RYR1: variants seen among roughly 807,000 people sequenced by gnomAD.
The protein encoded by RYR1 is ryanodine receptor 1.
In RYR1, 342 loss-of-function variants were observed where a neutral mutation model predicts 583.5. The ratio of observed to expected loss-of-function variants is 0.59; its 90% CI spans 0.54 to 0.64. The LOEUF is 0.64. Ranked by LOEUF, RYR1 falls within the 30% of genes least tolerant of loss-of-function variation. The pLI is 0.00. For missense variants in RYR1, 6,032 were observed against 6,917.2 expected, an observed-to-expected ratio of 0.87 and a Z score of 4.54; for synonymous variants, 2,791 against 2,822.5, an observed-to-expected ratio of 0.99 and a Z score of 0.35.
intron 3 of RYR1, among the ~76,000 whole-genome samples, chr19:38,442,818 G>A (rs906367166): frequency 1.3e-5 from 2 of 152,250 alleles, no homozygotes; most frequent in Non-Finnish European, 2.9e-5. Context: ...TGTCCCCGAC[G>A]CCTGCTCCTT....
intron 1 of RYR1, among the ~76,000 whole-genome samples, chr19:38,434,269 A>G (rs762037540): frequency 3.3e-5 from 5 of 151,450 alleles, no homozygotes; most frequent in Admixed American, 2.0e-4. Flanking sequence ...TTTTTGCTCC[A>G]GACTCTGACC....
chr19:38,447,291 A>G (rs893016814), intron 9 of RYR1, among the ~76,000 whole-genome samples: 1 of 152,188 alleles, frequency 6.6e-6, no homozygotes, highest in African/African-American at 2.4e-5. Flanking sequence ...CTGTAATGCC[A>G]GCACTTTGGG....
At chr19:38,507,567 TG>T (rs1355761736) in intron 57 of RYR1, 144 bp from the exon 58 acceptor site, 3 of 694,424 alleles carry the variant, frequency 4.3e-6, no homozygotes, top group Non-Finnish European at 8.0e-6. Flanking sequence ...GGGTGGGGCA[TG>T]GGGGACTCAG....
intron 16 of RYR1, among the ~76,000 whole-genome samples, chr19:38,456,582 G>A (rs1021951643): frequency 9.9e-5 from 15 of 151,148 alleles, no homozygotes; most frequent in Non-Finnish European, 1.8e-4. Context: ...GTGCCCCACC[G>A]GTGGCGCTGA....
chr19:38,542,171 C>A (rs951875210), intron 84 of RYR1, among the ~76,000 whole-genome samples: 1 of 149,924 alleles, frequency 6.7e-6, no homozygotes, highest in African/African-American at 2.5e-5. Context: ...AAGAACGCAA[C>A]AAATTTGTTG....
intron 28 of RYR1, among the ~76,000 whole-genome samples, chr19:38,474,555 GC>G (rs1172185774): frequency 1.5e-5 from 2 of 133,458 alleles, no homozygotes; most frequent in African/African-American, 5.6e-5. Flanking sequence ...GAGCTACCAC[GC>G]CCGGCTCCTT....
intron 31 of RYR1, among the ~76,000 whole-genome samples, chr19:38,482,725 C>T (rs1233243762): frequency 1.3e-5 from 2 of 152,142 alleles, no homozygotes; most frequent in African/African-American, 4.8e-5. Flanking sequence ...TCTAGGATTA[C>T]AGGTGTGAGC....
At chr19:38,553,297 T>A (rs975642674) in intron 89 of RYR1, among the ~76,000 whole-genome samples, 4 of 145,206 alleles carry the variant, frequency 2.8e-5, no homozygotes, top group African/African-American at 7.8e-5. Context: ...ATCACGCCAC[T>A]GCACTCCAGC....
chr19:38,486,001 C>T lies in RYR1; in HGVS notation c.5346C>T (p.Phe1782=), dbSNP rs762772302. 23 of 1,613,546 alleles carry T rather than the reference C, an allele frequency of 1.4e-5. No homozygotes were observed. The highest frequency in any genetic ancestry group is 1.6e-4 in the Middle Eastern group (1 of 6,062). The change falls in exon 34 of 106, where the codon TTC becomes TTT. Residue 1782 remains phenylalanine, a synonymous_variant. Coordinates refer to ENST00000359596, the MANE Select transcript of RYR1 (RefSeq NM_000540.3). ...CGCATCATTTCTCGCCCCCCTGTTT[C>T]GTGGCCGCTCTGCCAGCTGCTGGGG... The part of the protein sequence containing the change: ...RPPHHFSPPC[F]VAALPAAGAA...
chr19:38,512,490 G>A lies in RYR1; in HGVS notation c.9472+7G>A, dbSNP rs1032567638. ...TTCGGAGATGACGTCATCCGTAAGG[G>A]CGCCTGACCCAAGGGCAGGTTGCGG... On this transcript the variant is annotated splice_region_variant and intron_variant, in intron 63 of 105. Coordinates refer to ENST00000359596, the MANE Select transcript of RYR1 (RefSeq NM_000540.3). This position sits in a 1 kb window ranked among gnomAD's most constrained non-coding sequence, Gnocchi z 5.1. 3 of 1,608,692 alleles carry A rather than the reference G, an allele frequency of 1.9e-6. No homozygotes were observed. The highest frequency in any genetic ancestry group is 1.7e-6 in the Non-Finnish European group (2 of 1,179,924).
chr19:38,580,032 C>T lies in RYR1; in HGVS notation c.14415C>T (p.Tyr4805=), dbSNP rs1974127984. 1.2e-6 allele frequency: 2 copies of T among 1,614,172 alleles called. No homozygotes were observed. Among genetic ancestry groups the T allele is most frequent in the African/African-American group, 2.7e-5 (2 of 75,052 alleles). Residue 4805 remains tyrosine (Y), a synonymous_variant, in exon 100 of 106, where the codon TAC becomes TAT. Transcript: ENST00000359596. ...WYMVMSLLGH[Y]NNFFFAAHLL... ...TGGTGATGTCCCTCTTGGGACACTA[C>T]AACAACTTCTTCTTTGCTGCCCATC...
rs745847401 is a variant in RYR1 at position 38,536,787 on chromosome 19, C to T, written c.11608+20C>T. The T allele has an allele frequency of 2.5e-6, 4 of 1,613,638 alleles. No individual in the cohort carries two copies. The highest frequency in any genetic ancestry group is 2.2e-5 in the East Asian group (1 of 44,864). ...AGAACGGTAATTCCCCCAGCCCACC[C>T]CCGTGCTGTGCTGCTGTCACCCACC... On this transcript the variant is annotated intron_variant, in intron 83 of 105. Transcript: ENST00000359596.
At position 38,469,451 on chromosome 19, in the gene RYR1, A is replaced by G. The variant is rs1189469907; in HGVS notation, c.3703A>G (p.Thr1235Ala). ...CATCAACATGCAGCGCCCAGTCACCACCTGGTTCAGCAAAGGCCTGCCCCA... is the reference window on the plus strand; with the variant it reads ...CATCAACATGCAGCGCCCAGTCACCGCCTGGTTCAGCAAAGGCCTGCCCCA... ...FAINMQRPVT[T>A]WFSKGLPQFE... Residue 1235 changes from threonine to alanine, a missense_variant, in exon 27 of 106, where the codon ACC becomes GCC. By Grantham distance (58) the Thr-to-Ala change is moderately conservative. Around this residue, in one of 11 missense-constraint regions of RYR1, gnomAD observed 2,627 missense variants for 2,961.3 expected, o/e 0.89. Coordinates refer to ENST00000359596, the MANE Select transcript of RYR1 (RefSeq NM_000540.3). The G allele has an allele frequency of 6.2e-7, 1 of 1,613,882 alleles. No homozygotes were observed. Among genetic ancestry groups the G allele is most frequent in the African/African-American group, 1.3e-5 (1 of 74,878 alleles).
At chr19:38,451,950 A>G (rs919655120) in intron 12 of RYR1, 65 bp downstream of exon 12, 4 of 1,609,568 alleles carry the variant, frequency 2.5e-6, no homozygotes, top group Non-Finnish European at 3.4e-6. Context: ...GCATCCATAC[A>G]CTTGGCCTCT....
chr19:38,504,241 C>G lies in RYR1; in HGVS notation c.7948C>G (p.Arg2650Gly). The G allele has an allele frequency of 6.2e-7, 1 of 1,613,822 alleles. No homozygotes were observed. Among genetic ancestry groups the G allele is most frequent in the Non-Finnish European group, 8.5e-7 (1 of 1,179,904 alleles). Residue 2650 changes from arginine to glycine, a missense_variant, in exon 50 of 106, where the codon CGC (arginine) becomes GGC (glycine). Physicochemically the swap from Arg to Gly is moderately radical, Grantham distance 125. Transcript: ENST00000359596. The stretch of plus-strand genomic sequence containing the variant: ...CCAGCTCCTCACCAACCACTATGAG[C>G]GCTGTTGGAAGTACTACTGCCTACC... Reference protein sequence around the residue: ...PLKLLTNHYERCWKYYCLPTG... With the variant: ...PLKLLTNHYEGCWKYYCLPTG...
At position 38,443,799 on chromosome 19, in the gene RYR1, G is replaced by A. The variant is rs748639416; in HGVS notation, c.424+3G>A. On this transcript the variant is annotated splice_donor_region_variant and intron_variant, in intron 5 of 105. Coordinates refer to ENST00000359596, the MANE Select transcript of RYR1 (RefSeq NM_000540.3). Reference sequence around the variant, plus strand: ...GGGACTGCAGGAGGACGCAACAGGTGCAGCAGCTGGAGGGGATGGGGGTGT... The same window carrying A: ...GGGACTGCAGGAGGACGCAACAGGTACAGCAGCTGGAGGGGATGGGGGTGT... 3 of 1,614,096 alleles carry A rather than the reference G, an allele frequency of 1.9e-6. No homozygotes were observed. Among genetic ancestry groups the A allele is most frequent in the East Asian group, 2.2e-5 (1 of 44,888 alleles).
intron 84 of RYR1, among the ~76,000 whole-genome samples, chr19:38,540,224 C>T (rs1487698341): frequency 1.3e-5 from 2 of 151,696 alleles, no homozygotes; most frequent in South Asian, 2.1e-4. Context: ...CCTGTAATCC[C>T]AGCACTTTAG....
At chr19:38,466,031 G>T (rs1188564801) in intron 23 of RYR1, 60 bp from the exon 24 acceptor site, 2 of 1,509,268 alleles carry the variant, frequency 1.3e-6, no homozygotes, top group Non-Finnish European at 1.8e-6. Flanking sequence ...ATCCCATATA[G>T]TGCAGAGCCC....
At chr19:38,443,335 A>G (rs1972783427) in intron 3 of RYR1, among the ~76,000 whole-genome samples, 1 of 152,164 alleles carries the variant, frequency 6.6e-6, no homozygotes, top group Non-Finnish European at 1.5e-5. Context: ...GGAATATAAA[A>G]TGCTCCATCC....
Sources: allele counts gnomAD v4.1 joint callset (sites outside exome capture counted in the v4.1 genomes callset), GRCh38; gene constraint gnomAD v4.1.1; regional missense constraint gnomAD v4.1.1; non-coding constraint Gnocchi (gnomAD v3.1); transcripts MANE v1.5; gene names NCBI Gene and HGNC (gene_info 2026-07-23, HGNC 2026-07-21).